The following ATP2B4 variants were observed in gnomAD, a reference collection of about 807,000 sequenced individuals.
ATP2B4 encodes the protein ATPase plasma membrane Ca2+ transporting 4.
ATP2B4 carries 39 observed loss-of-function variants against 110.3 expected under a neutral mutation model. The ratio of observed to expected loss-of-function variants is 0.35; its 90% CI spans 0.27 to 0.46. ATP2B4 has a LOEUF of 0.46. Among genes scored for constraint, ATP2B4 ranks in the 20% least tolerant of loss-of-function variants. The pLI, the probability that ATP2B4 is intolerant of heterozygous loss-of-function variation, is 1.00. For missense variants in ATP2B4, 1,135 were observed against 1,530.9 expected, an observed-to-expected ratio of 0.74 and a Z score of 4.32; for synonymous variants, 538 against 571.7, an observed-to-expected ratio of 0.94 and a Z score of 0.84.
intron 20 of ATP2B4, among the ~76,000 whole-genome samples, chr1:203,738,861 C>T (rs1267084593): frequency 6.6e-6 from 1 of 152,140 alleles, no homozygotes; most frequent in Non-Finnish European, 1.5e-5. Flanking sequence ...GGGGAGGGGA[C>T]ACAGTGGTGG....
chr1:203,733,238 A>G, intron 20 of ATP2B4: 1 of 1,612,990 alleles, frequency 6.2e-7, no homozygotes, highest in Non-Finnish European at 8.5e-7. Flanking sequence ...CGTAATTAAC[A>G]CATTCCAGAC....
chr1:203,644,119 A>G (rs894547348), intron 1 of ATP2B4, among the ~76,000 whole-genome samples: 1 of 152,074 alleles, frequency 6.6e-6, no homozygotes, highest in African/African-American at 2.4e-5. Context: ...ATGTTGTGGC[A>G]AGTGCCTATA....
At chr1:203,677,825 C>T (rs1481590902) in intron 1 of ATP2B4, among the ~76,000 whole-genome samples, 2 of 152,224 alleles carry the variant, frequency 1.3e-5, no homozygotes, top group Non-Finnish European at 2.9e-5. Context: ...TGCTTCCCCT[C>T]TCCAGAGGTC....
At chr1:203,729,824 T>C in intron 20 of ATP2B4, 1 of 1,285,102 alleles carries the variant, frequency 7.8e-7, no homozygotes, top group Admixed American at 2.3e-5. Context: ...TGGTCCTTGG[T>C]TTGTCTCTCA....
At chr1:203,676,684 C>T (rs1664838197) in intron 1 of ATP2B4, among the ~76,000 whole-genome samples, 1 of 152,138 alleles carries the variant, frequency 6.6e-6, no homozygotes, top group African/African-American at 2.4e-5. Flanking sequence ...CCAGGGGGAG[C>T]AAGGCCAAGA....
intron 20 of ATP2B4, among the ~76,000 whole-genome samples, chr1:203,730,451 G>A (rs1022814168): frequency 1.3e-5 from 2 of 152,086 alleles, no homozygotes; most frequent in South Asian, 2.1e-4. Flanking sequence ...AGAACCTGGC[G>A]CCTTTGGCTC....
At position 203,703,946 on chromosome 1, in the gene ATP2B4, G is replaced by A. The variant is rs1665770318; in HGVS notation, c.1099+133G>A. On this transcript the variant is annotated intron_variant, in intron 8 of 20. Transcript: ENST00000357681. ...CTTCAGGGTGGCTAGTTGGGGCTAG[G>A]CGGCTGTTTCCCTATCTCCGCCACT... 6 of 1,184,792 alleles carry A rather than the reference G, an allele frequency of 5.1e-6. No homozygotes were observed. In the South Asian group the frequency reaches 1.0e-4, roughly 20 times the overall value. The allele number at this position is 1,184,792 out of a possible 1,614,324, so 73.4% of individuals were successfully genotyped here.
At position 203,721,392 on chromosome 1, in the gene ATP2B4, T is replaced by A; in HGVS notation, c.2794T>A (p.Phe932Ile). The part of the protein sequence containing the change: ...GHAFYQLIVI[F>I]ILVFAGEKFF... The stretch of plus-strand genomic sequence containing the variant: ...TGCATTCTATCAGCTCATTGTCATC[T>A]TTATCCTTGTCTTTGCGGGTGAGCC... The change falls in exon 17 of 21, where the codon TTT becomes ATT. Residue 932 changes from phenylalanine (F) to isoleucine (I), a missense_variant. Phe to Ile is a conservative substitution (Grantham distance 21). Around this residue, in one of 9 missense-constraint regions of ATP2B4, gnomAD observed 155 missense variants for 186.2 expected, o/e 0.83. Transcript: ENST00000357681. 1 of 1,614,114 alleles carries A rather than the reference T, an allele frequency of 6.2e-7. No individual in the cohort carries two copies. The highest frequency in any genetic ancestry group is 8.5e-7 in the Non-Finnish European group (1 of 1,180,008).
intron 1 of ATP2B4, among the ~76,000 whole-genome samples, chr1:203,681,551 G>A (rs1665013766): frequency 6.6e-6 from 1 of 152,138 alleles, no homozygotes; most frequent in Non-Finnish European, 1.5e-5. Flanking sequence ...TTAAAAGGCT[G>A]ATGTGTGGCA....
chr1:203,702,642 G>A (rs535185336), intron 7 of ATP2B4, among the ~76,000 whole-genome samples: 2 of 152,282 alleles, frequency 1.3e-5, no homozygotes, highest in South Asian at 4.2e-4. Flanking sequence ...TCTGATGTGT[G>A]TGTCTCTTTT....
chr1:203,697,975 G>A (rs938781097), intron 2 of ATP2B4, among the ~76,000 whole-genome samples, 182 bp from the exon 3 acceptor site: 2 of 151,330 alleles, frequency 1.3e-5, no homozygotes, highest in Non-Finnish European at 2.9e-5. Context: ...AAAGTGCTAG[G>A]ATTACAGACG....
chr1:203,679,993 G>A (rs559543715), intron 1 of ATP2B4, among the ~76,000 whole-genome samples: 7 of 151,878 alleles, frequency 4.6e-5, no homozygotes, highest in South Asian at 2.1e-4. Flanking sequence ...CCTGGGAGGC[G>A]GAGGTTGCAG....
intron 2 of ATP2B4, among the ~76,000 whole-genome samples, chr1:203,687,996 T>C (rs1270633293): frequency 5.8e-5 from 3 of 52,100 alleles, no homozygotes; most frequent in African/African-American, 8.1e-5. Context: ...GAGAAAGAGA[T>C]TATTATTATT....
At chr1:203,650,487 T>C (rs11584892) in intron 1 of ATP2B4, among the ~76,000 whole-genome samples, 138,051 of 152,244 alleles carry the variant, frequency 0.91, 63,602 homozygotes, top group Non-Finnish European at 0.99. Context: ...CCCGCCTTAT[T>C]TGGGGCTTCT....
At chr1:203,647,699 C>T (rs1314986405) in intron 1 of ATP2B4, among the ~76,000 whole-genome samples, 1 of 151,886 alleles carries the variant, frequency 6.6e-6, no homozygotes, top group African/African-American at 2.4e-5. Context: ...GTTGAGGCTG[C>T]AGAGAACCAA....
chr1:203,663,434 G>T (rs1429286184), intron 1 of ATP2B4, among the ~76,000 whole-genome samples: 1 of 151,936 alleles, frequency 6.6e-6, no homozygotes, highest in Non-Finnish European at 1.5e-5. Flanking sequence ...TGGCCAAGAA[G>T]AATGACACAC....
intron 1 of ATP2B4, among the ~76,000 whole-genome samples, chr1:203,673,356 G>C (rs747317006): frequency 2.0e-5 from 3 of 152,224 alleles, no homozygotes; most frequent in Admixed American, 6.5e-5. Flanking sequence ...CAAGTGCAAG[G>C]AAGCATGATC....
intron 2 of ATP2B4, 134 bp from the exon 3 acceptor site, chr1:203,698,023 T>C (rs889695176): frequency 5.3e-6 from 4 of 748,016 alleles, no homozygotes; most frequent in African/African-American, 5.3e-5. Flanking sequence ...TTATTTATTT[T>C]TGAGACAGCG....
At position 203,711,078 on chromosome 1, in the gene ATP2B4, G is replaced by A; in HGVS notation, c.2001G>A (p.Val667=). The A allele has an allele frequency of 1.9e-6, 3 of 1,614,142 alleles. No homozygotes were observed. The highest frequency in any genetic ancestry group is 2.2e-5 in the South Asian group (2 of 91,070). The change falls in exon 12 of 21, where the codon GTG becomes GTA. Residue 667 remains valine, a synonymous_variant. Coordinates refer to ENST00000357681, the MANE Select transcript of ATP2B4 (RefSeq NM_001684.5). ...TCACCGAACTGACCTGTATCGCGGT[G>A]GTGGGCATTGAGGACCCTGTGCGCC... ...EILTELTCIA[V]VGIEDPVRPE...
Sources: allele counts gnomAD v4.1 joint callset (sites outside exome capture counted in the v4.1 genomes callset), GRCh38; gene constraint gnomAD v4.1.1; regional missense constraint gnomAD v4.1.1; transcripts MANE v1.5; gene names NCBI Gene and HGNC (gene_info 2026-07-23, HGNC 2026-07-21).